ZNF280A: variants seen among roughly 807,000 people sequenced by gnomAD.
The protein encoded by ZNF280A is suppressor of hairy wing homolog 1.
Under a neutral mutation model 35.9 loss-of-function variants are expected in ZNF280A, and 26 were observed. The observed-to-expected ratio is 0.72, with a 90% confidence interval of 0.53 to 1.01. The LOEUF is 1.01. Ranked by LOEUF, ZNF280A falls within the 50% of genes least tolerant of loss-of-function variation. The probability of loss-of-function intolerance (pLI) is 0.00; values close to 1 mark genes in which losing one functional copy is unlikely to be tolerated. For missense variants in ZNF280A, 654 were observed against 652.0 expected, an observed-to-expected ratio of 1.00 and a Z score of -0.03; for synonymous variants, 231 against 232.9, an observed-to-expected ratio of 0.99 and a Z score of 0.07.
At chr22:22,516,297 GCA>G (rs587603341) in intron 1 of ZNF280A, among the ~76,000 whole-genome samples, 10 of 149,090 alleles carry the variant, frequency 6.7e-5, no homozygotes, top group East Asian at 2.0e-4. Context: ...ACAAATCACA[GCA>G]CACACACACA....
intron 1 of ZNF280A, among the ~76,000 whole-genome samples, chr22:22,517,225 A>G (rs2146900857): frequency 6.6e-6 from 1 of 152,014 alleles, no homozygotes; most frequent in East Asian, 2.0e-4. Context: ...TGGGCAACAT[A>G]GCAAGACCCA....
chr22:22,514,395 A>G lies in ZNF280A; in HGVS notation c.1236T>C (p.His412=). The change falls in exon 2 of 2, where the codon CAT becomes CAC. Residue 412 remains histidine (H), a synonymous_variant. Coordinates refer to ENST00000302097, the MANE Select transcript of ZNF280A (RefSeq NM_080740.5). ...RSSVFADVET[H]FRTCHENTKN... ...TTGTGTTTTCATGGCACGTTCTAAA[A>G]TGTGTTTCCACATCAGCAAAGACCG... The G allele has an allele frequency of 6.2e-7, 1 of 1,613,946 alleles. No individual in the cohort carries two copies. Among genetic ancestry groups the G allele is most frequent in the South Asian group, 1.1e-5 (1 of 91,070 alleles).
At position 22,513,984 on chromosome 22, in the gene ZNF280A, A is replaced by C; in HGVS notation, c.*18T>G. The stretch of plus-strand genomic sequence containing the variant: ...ACTTCTGCCTTTCGGAACTCCTGGA[A>C]GTCAGTCGAACATATTTTCAGCTAG... On this transcript the variant is annotated 3_prime_UTR_variant, in exon 2 of 2. Coordinates refer to ENST00000302097, the MANE Select transcript of ZNF280A (RefSeq NM_080740.5). 5.0e-6 allele frequency: 7 copies of C among 1,399,724 alleles called. No homozygotes were observed. The highest frequency in any genetic ancestry group is 6.9e-6 in the Non-Finnish European group (7 of 1,007,464). 86.7% of individuals were successfully genotyped at this position (1,399,724 alleles called of 1,614,324 possible).
In ZNF280A at chr22:22,514,280, G is replaced by A. The variant is rs776792638; in HGVS notation, c.1351C>T (p.Leu451Phe). 2.5e-6 allele frequency: 4 copies of A among 1,613,928 alleles called. No individual in the cohort carries two copies. In the South Asian group the frequency reaches 4.4e-5, roughly 18 times the overall value. The part of the protein sequence containing the change: ...HCWRHSRRRV[L>F]QCSKCRLQFL... ...TGTAGCCGGCACTTGGAACACTGAA[G>A]GACCCTCCTTCTGCTGTGCCTCCAA... Residue 451 changes from leucine to phenylalanine, a missense_variant, in exon 2 of 2, where the codon CTT (leucine) becomes TTT (phenylalanine). By Grantham distance (22) the Leu-to-Phe change is conservative (BLOSUM62 0). Transcript: ENST00000302097.
chr22:22,515,645 TTG>T lies in ZNF280A; in HGVS notation c.-17_-16del, dbSNP rs781393020. ...ATATCTCCCATTTTCAATTTACTTTTTGCTTGAAGCCACTGGTCTCTTCAACT... is the reference window on the plus strand; with the variant it reads ...ATATCTCCCATTTTCAATTTACTTTTCTTGAAGCCACTGGTCTCTTCAACT... On this transcript the variant is annotated 5_prime_UTR_variant, in exon 2 of 2. Coordinates refer to ENST00000302097, the MANE Select transcript of ZNF280A (RefSeq NM_080740.5). 13 of 1,561,276 alleles carry T rather than the reference TTG, an allele frequency of 8.3e-6. No individual in the cohort carries two copies. The African/African-American group carries it at 1.6e-4, about 20-fold the overall frequency.
Position 22,517,798 on chromosome 22 carries a change from G to A in ZNF280A, c.-71-2097C>T, listed in dbSNP as rs951210993. Among the ~76,000 whole-genome samples, 25 of 150,426 alleles carry A rather than the reference G, an allele frequency of 1.7e-4. 1 individual carries two copies. Among genetic ancestry groups the A allele is most frequent in the African/African-American group, 5.6e-4 (23 of 40,784 alleles). The stretch of plus-strand genomic sequence containing the variant: ...ATCTCAGATCCTTTTGTGAGGATAA[G>A]CGTGATGCTTGGGTTTTCACTCATG... On this transcript the variant is annotated intron_variant, in intron 1 of 1. Coordinates refer to ENST00000302097, the MANE Select transcript of ZNF280A (RefSeq NM_080740.5).
chr22:22,518,760 C>A (rs2146905289), intron 1 of ZNF280A, among the ~76,000 whole-genome samples: 1 of 141,420 alleles, frequency 7.1e-6, no homozygotes, highest in African/African-American at 2.8e-5. Context: ...TGTGCTCCAG[C>A]CTGGGTGACA....
At chr22:22,516,999 A>C (rs1292593148) in intron 1 of ZNF280A, among the ~76,000 whole-genome samples, 2 of 151,928 alleles carry the variant, frequency 1.3e-5, no homozygotes, top group Non-Finnish European at 2.9e-5. Context: ...CCTACCACAC[A>C]ATATGTAAAA....
At chr22:22,517,190 T>C (rs1349300341) in intron 1 of ZNF280A, among the ~76,000 whole-genome samples, 2 of 151,826 alleles carry the variant, frequency 1.3e-5, no homozygotes, top group Non-Finnish European at 2.9e-5. Flanking sequence ...AAGGATTGCT[T>C]GAGGTCAGGA....
chr22:22,519,111 C>G (rs1176800826), intron 1 of ZNF280A, among the ~76,000 whole-genome samples: 1 of 151,804 alleles, frequency 6.6e-6, no homozygotes, highest in Non-Finnish European at 1.5e-5. Flanking sequence ...TTAAGCATAA[C>G]AAAATAATTA....
intron 1 of ZNF280A, 36 bp from the exon 2 acceptor site, chr22:22,515,737 T>G (rs944915808): frequency 6.7e-7 from 1 of 1,486,772 alleles, no homozygotes; most frequent in Non-Finnish European, 8.9e-7. Context: ...CAATATTTAT[T>G]TCGAAAGACA....
chr22:22,515,664 TCTTCAA>T lies in ZNF280A; in HGVS notation c.-40_-35del. 1 of 1,537,248 alleles carries T rather than the reference TCTTCAA, an allele frequency of 6.5e-7. No individual in the cohort carries two copies. Among genetic ancestry groups the T allele is most frequent in the African/African-American group, 1.4e-5 (1 of 72,238 alleles). On this transcript the variant is annotated 5_prime_UTR_variant, in exon 2 of 2. Coordinates refer to ENST00000302097, the MANE Select transcript of ZNF280A (RefSeq NM_080740.5). ...TACTTTTTGCTTGAAGCCACTGGTC[TCTTCAA>T]CTTCCAGAGCTGTCTTTTTACAAAT...
Position 22,518,116 on chromosome 22 carries a change from G to A in ZNF280A, c.-72+1973C>T, listed in dbSNP as rs1013548067. ...AATTTTTTGTATTTTTAGTAGAGAC[G>A]GGGTTTCACCGTGTTAGCCAGGATG... On this transcript the variant is annotated intron_variant, in intron 1 of 1. Coordinates refer to ENST00000302097, the MANE Select transcript of ZNF280A (RefSeq NM_080740.5). Among the ~76,000 whole-genome samples the A allele has an allele frequency of 5.3e-5, 8 of 151,802 alleles. 1 individual carries two copies. The highest frequency in any genetic ancestry group is 1.7e-4 in the African/African-American group (7 of 41,432).
rs764566172 is a variant in ZNF280A at position 22,514,839 on chromosome 22, G to A, written c.792C>T (p.Thr264=). ...TGGGATTTTCTTTCTTGGGATCAAA[G>A]GTCTTGTTTTGACTTGCTAGACTTG... The part of the protein sequence containing the change: ...DISSLASQNK[T]FDPKKENPIV... The change falls in exon 2 of 2, where the codon ACC becomes ACT. Residue 264 remains threonine (T), a synonymous_variant. Coordinates refer to ENST00000302097, the MANE Select transcript of ZNF280A (RefSeq NM_080740.5). The A allele has an allele frequency of 6.2e-7, 1 of 1,613,888 alleles. No individual in the cohort carries two copies. The highest frequency in any genetic ancestry group is 1.1e-5 in the South Asian group (1 of 91,066).
In ZNF280A at chr22:22,514,054, GTCT is replaced by G. The variant is rs751469047; in HGVS notation, c.1574_1576del (p.Lys525del). 52 of 1,608,808 alleles carry G rather than the reference GTCT, an allele frequency of 3.2e-5. No individual in the cohort carries two copies. The highest frequency in any genetic ancestry group is 4.2e-5 in the Non-Finnish European group (50 of 1,177,530). On this transcript the variant is annotated inframe_deletion, in exon 2 of 2. Coordinates refer to ENST00000302097, the MANE Select transcript of ZNF280A (RefSeq NM_080740.5). ...TCTGGAATCTCTAGTGTTCATAGCCGTCTTCTTTTTAGTTTTTACAGGAGAAGA... is the reference window on the plus strand; with the variant it reads ...TCTGGAATCTCTAGTGTTCATAGCCGTCTTTTTAGTTTTTACAGGAGAAGA...
rs2146893327 is a variant in ZNF280A, at chr22:22,514,478, CCTT to C, written c.1150_1152del (p.Lys384del). ...GGCATTTCGCCAGGCTTATGATGGT[CCTT>C]CATGTGTTGTAAGAGGACCTGATCT... is the stretch of plus-strand genomic sequence containing the variant. On this transcript the variant is annotated inframe_deletion, in exon 2 of 2. Coordinates refer to ENST00000302097, the MANE Select transcript of ZNF280A (RefSeq NM_080740.5). 6.2e-7 allele frequency: 1 copy of C among 1,613,920 alleles called. No individual in the cohort carries two copies. Among genetic ancestry groups the C allele is most frequent in the East Asian group, 2.2e-5 (1 of 44,792 alleles).
intron 1 of ZNF280A, among the ~76,000 whole-genome samples, chr22:22,518,649 A>G (rs1331213483): frequency 6.6e-6 from 1 of 151,602 alleles, no homozygotes; most frequent in Non-Finnish European, 1.5e-5. Flanking sequence ...TTAGCCAGGC[A>G]TGGTAGCAGA....
chr22:22,515,334 G>A lies in ZNF280A; in HGVS notation c.297C>T (p.Ala99=), dbSNP rs777849712. 1 of 1,613,912 alleles carries A rather than the reference G, an allele frequency of 6.2e-7. No individual in the cohort carries two copies. The highest frequency in any genetic ancestry group is 8.5e-7 in the Non-Finnish European group (1 of 1,179,950). The change falls in exon 2 of 2, where the codon GCC becomes GCT. Residue 99 remains alanine, a synonymous_variant. Coordinates refer to ENST00000302097, the MANE Select transcript of ZNF280A (RefSeq NM_080740.5). ...CCTCAGACAGAGAAACCGGCATGAT[G>A]GCTTTTGCCATAGAGGTCACATGAT... ...PANHVTSMAK[A]IMPVSLSEGR...
At chr22:22,516,587 C>G (rs151321362) in intron 1 of ZNF280A, among the ~76,000 whole-genome samples, 47 of 151,934 alleles carry the variant, frequency 3.1e-4, no homozygotes, top group African/African-American at 1.1e-3. Flanking sequence ...CCATGGTGGC[C>G]CCAATGCCCC....
Sources: gnomAD v4.1 joint callset for allele counts (sites outside exome capture counted in the v4.1 genomes callset) on GRCh38, gnomAD v4.1.1 for gene constraint, MANE v1.5 for transcripts, NCBI Gene and HGNC (gene_info 2026-07-23, HGNC 2026-07-21) for gene names.